Variants in CALCRL observed in about 807,000 individuals in gnomAD.
CALCRL encodes the protein calcitonin receptor like receptor.
Under a neutral mutation model 60.4 loss-of-function variants are expected in CALCRL, and 27 were observed. The ratio of observed to expected loss-of-function variants is 0.45; its 90% CI spans 0.33 to 0.62. The LOEUF (loss-of-function observed/expected upper bound fraction) is 0.62. CALCRL is among the 20% of genes least tolerant of loss of function. The pLI is 0.03. For synonymous variants in CALCRL, 190 were observed against 182.6 expected (o/e 1.04, Z -0.33); for missense variants, 424 against 540.7 (o/e 0.78, Z 2.14).
At chr2:187,352,418 C>G in intron 12 of CALCRL, 86 bp from the exon 13 acceptor site, 1 of 748,300 alleles carries the variant, frequency 1.3e-6, no homozygotes, top group Middle Eastern at 3.6e-4. Context: ...TTTTATAAAT[C>G]TTAAAATATT....
At chr2:187,356,055 G>A (rs962564925) in intron 12 of CALCRL, among the ~76,000 whole-genome samples, 12 of 152,164 alleles carry the variant, frequency 7.9e-5, no homozygotes, top group Admixed American at 2.0e-4. Flanking sequence ...AATCAATATC[G>A]TGAAAATGGC....
At chr2:187,398,104 A>G (rs1203420312) in intron 1 of CALCRL, among the ~76,000 whole-genome samples, 1 of 151,550 alleles carries the variant, frequency 6.6e-6, no homozygotes, top group Non-Finnish European at 1.5e-5. Flanking sequence ...TCTCAGCCCA[A>G]TTAGTAAAAG....
chr2:187,419,325 C>T (rs1689767869), intron 1 of CALCRL, among the ~76,000 whole-genome samples: 1 of 151,892 alleles, frequency 6.6e-6, no homozygotes, highest in Non-Finnish European at 1.5e-5. Context: ...TGATGTCTTC[C>T]CAAGAAGAGG....
rs781191496 is a variant in CALCRL, at chr2:187,378,963, C to A, written c.477G>T (p.Ser159=). Residue 159 remains serine (S), a synonymous_variant, in exon 8 of 15, where the codon TCG becomes TCT. Transcript: ENST00000392370. ...ACTTGAAATAAAAGAATATGCCAAG[C>A]GAGATAAGCAGTGATGCAATAGACA... The part of the protein sequence containing the change: ...HGLSIASLLI[S]LGIFFYFKSL... 2.5e-6 allele frequency: 4 copies of A among 1,601,380 alleles called. No individual in the cohort carries two copies. The African/African-American group carries it at 5.4e-5, about 21-fold the overall frequency.
At position 187,443,133 on chromosome 2, in the gene CALCRL, T is replaced by C. The variant is rs191379256; in HGVS notation, c.-293+4906A>G. On this transcript the variant is annotated intron_variant, in intron 1 of 14. Coordinates refer to ENST00000392370, the MANE Select transcript of CALCRL (RefSeq NM_005795.6). The stretch of plus-strand genomic sequence containing the variant: ...ATATCAATTTTATTAGGTTCTGGCA[T>C]GTATTGTATAATGGCAAAAGGATGG... 1.9e-3 allele frequency among the ~76,000 whole-genome samples: 285 copies of C among 151,966 alleles called. 3 individuals are homozygous for C. Among genetic ancestry groups the C allele is most frequent in the African/African-American group, 6.8e-3 (281 of 41,546 alleles).
chr2:187,414,322 G>T (rs1429140782), intron 1 of CALCRL, among the ~76,000 whole-genome samples: 2 of 152,108 alleles, frequency 1.3e-5, no homozygotes, highest in South Asian at 2.1e-4. Context: ...ATCTAAGAAA[G>T]TTTCTGAATT....
At chr2:187,348,537 T>G (rs1686386743) in intron 14 of CALCRL, among the ~76,000 whole-genome samples, 1 of 151,634 alleles carries the variant, frequency 6.6e-6, no homozygotes, top group South Asian at 2.1e-4. Context: ...AAAGCTTAAA[T>G]TCAATTTGGA....
At chr2:187,415,088 G>C (rs1689545566) in intron 1 of CALCRL, among the ~76,000 whole-genome samples, 1 of 152,054 alleles carries the variant, frequency 6.6e-6, no homozygotes, top group African/African-American at 2.4e-5. Context: ...AAGGAATAAA[G>C]TAGCAATATG....
intron 1 of CALCRL, among the ~76,000 whole-genome samples, chr2:187,400,645 A>C (rs1022454540): frequency 6.6e-6 from 1 of 151,544 alleles, no homozygotes; most frequent in Non-Finnish European, 1.5e-5. Context: ...TCAATTTGTG[A>C]ATGGATAAAC....
rs963551559 is a variant in CALCRL at position 187,342,544 on chromosome 2, A to G, written c.*3640T>C. Among the ~76,000 whole-genome samples, 4 of 151,612 alleles carry G rather than the reference A, an allele frequency of 2.6e-5. No individual in the cohort carries two copies. Among genetic ancestry groups the G allele is most frequent in the Non-Finnish European group, 5.9e-5 (4 of 67,628 alleles). On this transcript the variant is annotated 3_prime_UTR_variant, in exon 15 of 15. Transcript: ENST00000392370. ...TAGGCCAAACCTTATTAAACTAGCA[A>G]TATTTTTAATCAAGAATATTCTTTC... is the stretch of plus-strand genomic sequence containing the variant.
intron 1 of CALCRL, among the ~76,000 whole-genome samples, chr2:187,432,942 G>A (rs968062271): frequency 7.9e-5 from 12 of 151,956 alleles, no homozygotes; most frequent in African/African-American, 2.9e-4. Flanking sequence ...GGAGCAATAA[G>A]CTTCACCATA....
At chr2:187,445,119 T>C (rs1691112883) in intron 1 of CALCRL, among the ~76,000 whole-genome samples, 1 of 151,596 alleles carries the variant, frequency 6.6e-6, no homozygotes, top group Admixed American at 6.6e-5. Context: ...ATGTTTTAAA[T>C]AGCTGTGTAC....
At chr2:187,361,090 TA>T (rs1490694720) in intron 9 of CALCRL, among the ~76,000 whole-genome samples, 25 of 152,198 alleles carry the variant, frequency 1.6e-4, no homozygotes, top group Admixed American at 3.9e-4. Flanking sequence ...TACACTTATT[TA>T]TATCATCATG....
chr2:187,406,768 C>G (rs549216098), intron 1 of CALCRL, among the ~76,000 whole-genome samples: 41 of 152,072 alleles, frequency 2.7e-4, no homozygotes, highest in African/African-American at 9.6e-4. Flanking sequence ...GACAGAAGGA[C>G]AGTCTTACTT....
chr2:187,352,306 A>C lies in CALCRL; in HGVS notation c.936T>G (p.Ile312Met). ...LLVNLFFLLN[I>M]VRVLITKLKV... is the part of the protein sequence containing the mutation. Reference sequence around the variant, plus strand: ...TTAACTTGGTGATGAGAACGCGTACAATATTTAACAAGAAAAAAAGATTCA... The same window carrying C: ...TTAACTTGGTGATGAGAACGCGTACCATATTTAACAAGAAAAAAAGATTCA... The change falls in exon 13 of 15, where the codon ATT (isoleucine) becomes ATG (methionine). Residue 312 changes from isoleucine (I) to methionine (M), a missense_variant. Ile to Met is a conservative substitution (Grantham distance 10, BLOSUM62 1). Coordinates refer to ENST00000392370, the MANE Select transcript of CALCRL (RefSeq NM_005795.6). 1.9e-6 allele frequency: 3 copies of C among 1,609,302 alleles called. No individual in the cohort carries two copies. The highest frequency in any genetic ancestry group is 2.5e-6 in the Non-Finnish European group (3 of 1,176,730).
intron 14 of CALCRL, among the ~76,000 whole-genome samples, chr2:187,347,390 C>A (rs1430846716): frequency 6.6e-6 from 1 of 151,754 alleles, no homozygotes; most frequent in African/African-American, 2.4e-5. Context: ...AATGGTCTTC[C>A]CCAAGCTCTC....
chr2:187,387,085 T>C (rs1688238427), intron 3 of CALCRL, among the ~76,000 whole-genome samples: 1 of 152,192 alleles, frequency 6.6e-6, no homozygotes, highest in South Asian at 2.1e-4. Context: ...CAAACAATAT[T>C]TTTAAAGGAG....
chr2:187,349,145 T>C (rs1362767823), intron 14 of CALCRL, among the ~76,000 whole-genome samples: 1 of 151,648 alleles, frequency 6.6e-6, no homozygotes, highest in Non-Finnish European at 1.5e-5. Flanking sequence ...GCTCATCTTA[T>C]GGAATATCTA....
At chr2:187,346,460 T>C in intron 14 of CALCRL, 61 bp from the exon 15 acceptor site, 1 of 1,217,586 alleles carries the variant, frequency 8.2e-7, no homozygotes, top group Non-Finnish European at 1.2e-6. Flanking sequence ...ATGAAGACAC[T>C]GTTTTTGAAG....
Sources: gnomAD v4.1 joint callset for allele counts (sites outside exome capture counted in the v4.1 genomes callset) on GRCh38, gnomAD v4.1.1 for gene constraint, MANE v1.5 for transcripts, NCBI Gene and HGNC (gene_info 2026-07-23, HGNC 2026-07-21) for gene names.